MAP4: variants seen among roughly 807,000 people sequenced by gnomAD.
MAP4 encodes the protein microtubule associated protein 4, also known as microtubule-associated protein 4.
Under a neutral mutation model 170.2 loss-of-function variants are expected in MAP4, and 76 were observed. That is an observed-to-expected ratio of 0.45 (90% CI 0.37 to 0.54). MAP4 has a LOEUF of 0.54. Ranked by LOEUF, MAP4 falls within the 20% of genes least tolerant of loss-of-function variation. The pLI, the probability that MAP4 is intolerant of heterozygous loss-of-function variation, is 0.00. For missense variants in MAP4, 2,506 were observed against 2,748.0 expected (o/e 0.91, Z 1.97); for synonymous variants, 909 against 994.5 (o/e 0.91, Z 1.62).
intron 10 of MAP4, among the ~76,000 whole-genome samples, chr3:47,888,640 C>T (rs554943263): frequency 2.9e-4 from 44 of 152,308 alleles, no homozygotes; most frequent in Admixed American, 2.5e-3. Context: ...CGCGAGGGTC[C>T]GTGGCTTCAT....
Position 47,914,780 on chromosome 3 carries a change from T to C in MAP4, c.1999+37A>G, listed in dbSNP as rs746580229. On this transcript the variant is annotated intron_variant, in intron 8 of 20. Coordinates refer to ENST00000683076, the MANE Select transcript of MAP4 (RefSeq NM_001385682.1). Reference sequence around the variant, plus strand: ...ACCATCACTACTCTATCGCCCCTAATTTGTTTCAAAGAGTTCATTTTGTTT... The same window carrying C: ...ACCATCACTACTCTATCGCCCCTAACTTGTTTCAAAGAGTTCATTTTGTTT... 8.7e-6 allele frequency: 14 copies of C among 1,613,586 alleles called. No homozygotes were observed. The East Asian group carries it at 3.1e-4, about 36-fold the overall frequency.
In MAP4 at chr3:47,909,883, G is replaced by GT; in HGVS notation, c.4537dup (p.Thr1513AsnfsTer8). On this transcript the variant is annotated frameshift_variant, in exon 9 of 21. Transcript: ENST00000683076. LOFTEE classifies it high-confidence loss of function. ...AATGTTAACTGTTTCTATGGCTGTT[G>GT]TAATAGGTAGAGCAACTCCTCCTGT... is the stretch of plus-strand genomic sequence containing the variant. 5 of 1,614,038 alleles carry GT rather than the reference G, an allele frequency of 3.1e-6. No individual in the cohort carries two copies. The highest frequency in any genetic ancestry group is 4.2e-6 in the Non-Finnish European group (5 of 1,179,890).
chr3:47,921,805 T>G lies in MAP4; in HGVS notation c.489A>C (p.Ser163=). Residue 163 remains serine, a synonymous_variant, in exon 5 of 21, where the codon TCA becomes TCC. Transcript: ENST00000683076. The stretch of plus-strand genomic sequence containing the variant: ...AGGGATCATTTTGTCCTGCAAATAT[T>G]GAAGTATCAGCTGTCGCACTGGAGG... The part of the protein sequence containing the change: ...VFPSSATADT[S]IFAGQNDPLK... The G allele has an allele frequency of 6.2e-7, 1 of 1,611,742 alleles. No homozygotes were observed. Among genetic ancestry groups the G allele is most frequent in the Non-Finnish European group, 8.5e-7 (1 of 1,177,812 alleles).
chr3:47,855,223 G>C lies in MAP4; in HGVS notation c.6696+25C>G. Reference sequence around the variant, plus strand: ...ATAGTTCCCACCCCTCCCCAGCTGTGTCTCCCCAGTGACCCACTCGCTACC... The same window carrying C: ...ATAGTTCCCACCCCTCCCCAGCTGTCTCTCCCCAGTGACCCACTCGCTACC... On this transcript the variant is annotated intron_variant, in intron 19 of 20. Coordinates refer to ENST00000683076, the MANE Select transcript of MAP4 (RefSeq NM_001385682.1). The surrounding 1 kb of genome is among the most constrained non-coding windows in gnomAD (Gnocchi z 5.1). 6.5e-7 allele frequency: 1 copy of C among 1,539,120 alleles called. No homozygotes were observed.
At chr3:47,891,023 C>A (rs2100023624) in intron 10 of MAP4, 12 of 1,466,170 alleles carry the variant, frequency 8.2e-6, no homozygotes, top group African/African-American at 1.4e-5. Context: ...TAGAAACATA[C>A]CATCACGTGG....
chr3:48,019,244 A>T (rs2100109371), upstream of MAP4, among the ~76,000 whole-genome samples: 1 of 152,080 alleles, frequency 6.6e-6, no homozygotes, highest in South Asian at 2.1e-4. Flanking sequence ...CAGGAGGCTG[A>T]GGCAGTAGGA....
At chr3:47,861,304 C>T (rs561793491) in intron 17 of MAP4, among the ~76,000 whole-genome samples, 3 of 151,042 alleles carry the variant, frequency 2.0e-5, no homozygotes, top group South Asian at 4.2e-4. Flanking sequence ...TGCAATGAGC[C>T]GAGATCGTGC....
At chr3:47,858,612 T>C (rs1023218918) in intron 17 of MAP4, among the ~76,000 whole-genome samples, 39 of 135,954 alleles carry the variant, frequency 2.9e-4, no homozygotes, top group African/African-American at 1.1e-3. Flanking sequence ...TGTGTGTGTG[T>C]GTGCGCGTTG....
At chr3:47,899,066 G>A (rs954227944) in intron 10 of MAP4, among the ~76,000 whole-genome samples, 3 of 152,160 alleles carry the variant, frequency 2.0e-5, no homozygotes, top group Non-Finnish European at 4.4e-5. Flanking sequence ...TTTATCCACA[G>A]GAAATAGCCA....
chr3:47,885,917 T>C (rs1406560648), intron 10 of MAP4, among the ~76,000 whole-genome samples: 1 of 152,070 alleles, frequency 6.6e-6, no homozygotes, highest in East Asian at 1.9e-4. Flanking sequence ...TTTAGTAGAG[T>C]TGGGGTTTCG....
intron 3 of MAP4, among the ~76,000 whole-genome samples, chr3:47,950,813 A>T (rs901945980): frequency 6.6e-6 from 1 of 152,166 alleles, no homozygotes; most frequent in Admixed American, 6.5e-5. Flanking sequence ...GGTGGCCCCA[A>T]TCATCTGTAG....
intron 1 of MAP4, among the ~76,000 whole-genome samples, chr3:48,032,113 CA>C (rs2100116467): frequency 1.3e-5 from 2 of 151,978 alleles, no homozygotes; most frequent in Admixed American, 1.3e-4. Context: ...TCATCAAAAA[CA>C]AGGGAGGTGT....
At chr3:47,944,131 G>A (rs2100058233) in intron 3 of MAP4, among the ~76,000 whole-genome samples, 1 of 151,828 alleles carries the variant, frequency 6.6e-6, no homozygotes, top group Non-Finnish European at 1.5e-5. Context: ...TCAACATGGT[G>A]AAACCCTGTC....
chr3:47,864,760 G>A (rs1378982198), intron 17 of MAP4, among the ~76,000 whole-genome samples: 5 of 152,176 alleles, frequency 3.3e-5, no homozygotes, highest in East Asian at 1.9e-4. Context: ...CCAGCTACTC[G>A]GGAAGCTGAC....
chr3:47,960,345 A>T (rs1263134277), intron 3 of MAP4: 2 of 230,652 alleles, frequency 8.7e-6, no homozygotes, highest in African/African-American at 2.3e-5. Flanking sequence ...TCAGTTTTTC[A>T]GGAGCTTTTC....
intron 4 of MAP4, among the ~76,000 whole-genome samples, chr3:47,926,000 G>A (rs1302955532): frequency 4.0e-5 from 6 of 151,336 alleles, no homozygotes; most frequent in South Asian, 4.2e-4. Context: ...AATTACAGGC[G>A]TGCACCACCA....
At chr3:47,977,811 T>C in intron 3 of MAP4, 54 bp downstream of exon 3, 2 of 1,128,216 alleles carry the variant, frequency 1.8e-6, no homozygotes, top group Admixed American at 1.7e-5. Context: ...ATTATCAAGG[T>C]GTTCATTGTA....
intron 4 of MAP4, among the ~76,000 whole-genome samples, chr3:47,925,604 T>C (rs1352500449): frequency 6.6e-6 from 1 of 152,168 alleles, no homozygotes; most frequent in African/African-American, 2.4e-5. Context: ...AACAGTATGC[T>C]AAGTGAAAAA....
At chr3:47,865,533 G>A (rs1576762327) in intron 17 of MAP4, among the ~76,000 whole-genome samples, 1 of 152,184 alleles carries the variant, frequency 6.6e-6, no homozygotes, top group East Asian at 1.9e-4. Context: ...TGTGGGGCAA[G>A]AATGAAAGCT....
Sources: allele counts gnomAD v4.1 joint callset (sites outside exome capture counted in the v4.1 genomes callset), GRCh38; gene constraint gnomAD v4.1.1; non-coding constraint Gnocchi (gnomAD v3.1); transcripts MANE v1.5; gene names NCBI Gene and HGNC (gene_info 2026-07-23, HGNC 2026-07-21).